CHST5: variants seen among roughly 807,000 people sequenced by gnomAD.
The protein encoded by CHST5 is GST4-alpha.
For missense variants in CHST5, 637 were observed against 602.1 expected, an observed-to-expected ratio of 1.06 and a Z score of -0.61; for synonymous variants, 313 against 279.2, an observed-to-expected ratio of 1.12 and a Z score of -1.21.
In CHST5 at chr16:75,530,178, G is replaced by T; in HGVS notation, c.207C>A (p.Ser69=). The T allele has an allele frequency of 1.2e-6, 2 of 1,613,686 alleles. No homozygotes were observed. Among genetic ancestry groups the T allele is most frequent in the Non-Finnish European group, 8.5e-7 (1 of 1,180,000 alleles). The change falls in exon 4 of 4, where the codon TCC becomes TCA. Residue 69 remains serine, a synonymous_variant. Coordinates refer to ENST00000336257, the MANE Select transcript of CHST5 (RefSeq NM_024533.5). The stretch of plus-strand genomic sequence containing the variant: ...AGAAGGATGAGCCCGAGCGCCACGA[G>T]GACAGCACCAGCACGTGCACACGAT... The part of the protein sequence containing the change: ...GEDRVHVLVL[S]SWRSGSSFLG...
intron 2 of CHST5, among the ~76,000 whole-genome samples, chr16:75,534,038 C>CAAAAAAAAAAAAAAAAAAAAAAAAA (rs35062691): frequency 1.2e-5 from 1 of 81,252 alleles, no homozygotes; most frequent in Non-Finnish European, 2.6e-5. Context: ...AACTCCATAT[C>CAAAAAAAAAAAAAAAAAAAAAAAAA]AAAAAAAAAA....
In CHST5 at chr16:75,529,511, G is replaced by A. The variant is rs759134086; in HGVS notation, c.874C>T (p.Leu292=). Residue 292 remains leucine, a synonymous_variant, in exon 4 of 4, where the codon CTG becomes TTG. Transcript: ENST00000336257. ...PPPFLRGRYR[L]VRFEDLAREP... ...CGCGCCAGGTCCTCGAAGCGCACCA[G>A]GCGGTAGCGGCCGCGCAGGAAGGGT... is the stretch of plus-strand genomic sequence containing the variant. 44 of 1,610,752 alleles carry A rather than the reference G, an allele frequency of 2.7e-5. No homozygotes were observed. In the South Asian group the frequency reaches 4.4e-4, roughly 16 times the overall value.
In CHST5 at chr16:75,531,463, G is replaced by A; in HGVS notation, c.-1079C>T. ...GCAGCATGGGCTCCAGAAGGAGGGT[G>A]TCCTGGAGCCCTGTGGGTTTGCAAG... On this transcript the variant is annotated 5_prime_UTR_variant, in exon 4 of 4. Coordinates refer to ENST00000336257, the MANE Select transcript of CHST5 (RefSeq NM_024533.5). The A allele has an allele frequency of 7.9e-7, 1 of 1,265,624 alleles. No individual in the cohort carries two copies. The highest frequency in any genetic ancestry group is 1.5e-5 in the African/African-American group (1 of 65,334). The allele number at this position is 1,265,624 out of a possible 1,614,324, so 78.4% of individuals were successfully genotyped here. A position where few individuals can be genotyped will look rare whatever the true frequency, so the allele number is the denominator to read the frequency against.
chr16:75,529,855 C>T lies in CHST5; in HGVS notation c.530G>A (p.Arg177Gln), dbSNP rs549820447. 5 of 1,613,576 alleles carry T rather than the reference C, an allele frequency of 3.1e-6. No individual in the cohort carries two copies. The highest frequency in any genetic ancestry group is 1.1e-5 in the South Asian group (1 of 91,086). The change falls in exon 4 of 4, where the codon CGG becomes CAG. Residue 177 changes from arginine (R) to glutamine (Q), a missense_variant. Arg to Gln is a conservative substitution (Grantham distance 43, BLOSUM62 1). Coordinates refer to ENST00000336257, the MANE Select transcript of CHST5 (RefSeq NM_024533.5). ...CTCCCGGGCCAGGCTGAATGGCTGC[C>T]GCGTGCACAGTGTCTTGCATACGTC... ...KQDVCKTLCT[R>Q]QPFSLAREAC...
chr16:75,528,984 G>C lies in CHST5; in HGVS notation c.*165C>G, dbSNP rs2080485396. 1.5e-6 allele frequency: 1 copy of C among 681,060 alleles called. No individual in the cohort carries two copies. The highest frequency in any genetic ancestry group is 3.4e-5 in the Admixed American group (1 of 29,296). The allele number at this position is 681,060 out of a possible 1,614,324, so 42.2% of individuals were successfully genotyped here. A position where few individuals can be genotyped will look rare whatever the true frequency, so the allele number is the denominator to read the frequency against. On this transcript the variant is annotated 3_prime_UTR_variant, in exon 4 of 4. Coordinates refer to ENST00000336257, the MANE Select transcript of CHST5 (RefSeq NM_024533.5). The stretch of plus-strand genomic sequence containing the variant: ...GACTCAAAGGAAAACCGAGAATCAG[G>C]AGAGAAAGAAACGTGCAGTCCTTGC...
At chr16:75,532,501 C>T (rs1285403945) in intron 3 of CHST5, among the ~76,000 whole-genome samples, 1 of 152,164 alleles carries the variant, frequency 6.6e-6, no homozygotes, top group Non-Finnish European at 1.5e-5. Context: ...CTGAGAGAAG[C>T]CAGGGTCTAA....
rs753815743 is a variant in CHST5, at chr16:75,529,008, G to T, written c.*141C>A. 17 of 840,858 alleles carry T rather than the reference G, an allele frequency of 2.0e-5. No homozygotes were observed. The highest frequency in any genetic ancestry group is 2.9e-5 in the Non-Finnish European group (16 of 559,286). The allele number at this position is 840,858 out of a possible 1,614,324, so 52.1% of individuals were successfully genotyped here. Reference sequence around the variant, plus strand: ...GGAGAGAAAGAAACGTGCAGTCCTTGCCTACTTCAGGGGAGGACCCCAAAC... The same window carrying T: ...GGAGAGAAAGAAACGTGCAGTCCTTTCCTACTTCAGGGGAGGACCCCAAAC... On this transcript the variant is annotated 3_prime_UTR_variant, in exon 4 of 4. Transcript: ENST00000336257.
In CHST5 at chr16:75,529,444, C is replaced by A. The variant is rs762334533; in HGVS notation, c.941G>T (p.Gly314Val). ...AEIRALYAFT[G>V]LTLTPQLEAW... ...CTCGAGCTGTGGCGTGAGGGTCAGG[C>A]CGGTGAAGGCGTAGAGTGCGCGGAT... Residue 314 changes from glycine to valine, a missense_variant, in exon 4 of 4, where the codon GGC becomes GTC. By Grantham distance (109) the Gly-to-Val change is moderately radical. Coordinates refer to ENST00000336257, the MANE Select transcript of CHST5 (RefSeq NM_024533.5). 6.2e-7 allele frequency: 1 copy of A among 1,612,718 alleles called. No homozygotes were observed. The highest frequency in any genetic ancestry group is 8.5e-7 in the Non-Finnish European group (1 of 1,179,886).
intron 3 of CHST5, 55 bp from the exon 4 acceptor site, chr16:75,531,695 C>T (rs2080523864): frequency 1.6e-6 from 2 of 1,229,242 alleles, no homozygotes; most frequent in South Asian, 1.3e-5. Context: ...CAGCCCTGTA[C>T]ATAGAAAGCT....
chr16:75,533,619 T>C (rs1253803095), intron 2 of CHST5, among the ~76,000 whole-genome samples: 3 of 152,122 alleles, frequency 2.0e-5, no homozygotes, highest in African/African-American at 7.2e-5. Flanking sequence ...AAAGTAGAGA[T>C]GAGGGCATCG....
intron 1 of CHST5, among the ~76,000 whole-genome samples, chr16:75,535,737 G>A (rs2080556758): frequency 6.6e-6 from 1 of 152,132 alleles, no homozygotes; most frequent in Non-Finnish European, 1.5e-5. Flanking sequence ...GGCGCTGGCC[G>A]AGGGCAGAGC....
In CHST5 at chr16:75,529,204, AG is replaced by A. The variant is rs1474860054; in HGVS notation, c.1180del (p.Leu394TrpfsTer24). On this transcript the variant is annotated frameshift_variant, in exon 4 of 4. Coordinates refer to ENST00000336257, the MANE Select transcript of CHST5 (RefSeq NM_024533.5). LOFTEE classifies it high-confidence loss of function. ...TGGGCCTCGTGGCAGCACCAGATCCAGGGTGAGGTCACGCTGCTGGTCCGCA... is the reference window on the plus strand; with the variant it reads ...TGGGCCTCGTGGCAGCACCAGATCCAGGTGAGGTCACGCTGCTGGTCCGCA... ...YSADQQRDLT[L>X]DLVLPRGPDH... 1.2e-6 allele frequency: 2 copies of A among 1,610,498 alleles called. No individual in the cohort carries two copies. The highest frequency in any genetic ancestry group is 2.2e-5 in the South Asian group (2 of 90,798).
Position 75,529,562 on chromosome 16 carries a change from C to T in CHST5, c.823G>A (p.Ala275Thr). ...REVCRSHVRI[A>T]EAATLKPPPF... ...GGCGGCTTGAGTGTGGCGGCCTCGGCGATGCGCACGTGGCTGCGGCACACC... is the reference window on the plus strand; with the variant it reads ...GGCGGCTTGAGTGTGGCGGCCTCGGTGATGCGCACGTGGCTGCGGCACACC... The change falls in exon 4 of 4, where the codon GCC (alanine) becomes ACC (threonine). Residue 275 changes from alanine to threonine, a missense_variant. By Grantham distance (58) the Ala-to-Thr change is moderately conservative. Transcript: ENST00000336257. The T allele has an allele frequency of 1.9e-6, 3 of 1,609,154 alleles. No individual in the cohort carries two copies. Among genetic ancestry groups the T allele is most frequent in the Non-Finnish European group, 1.7e-6 (2 of 1,178,896 alleles).
intron 2 of CHST5, 49 bp from the exon 3 acceptor site, chr16:75,533,232 C>T (rs1168549930): frequency 2.8e-6 from 2 of 702,344 alleles, no homozygotes; most frequent in Non-Finnish European, 5.2e-6. Context: ...GCCAAGGGTG[C>T]AAAGTTAGGG....
Position 75,529,150 on chromosome 16 carries a change from C to A in CHST5, c.1235G>T (p.Ter412LeuextTer90). ...PDHFSWASPD* is the reference protein window; with the variant it reads ...PDHFSWASPDL ...GGCCTGCTCTAAGGCCCAGAGTTCTCAGTCAGGCGATGCCCAGCTGAAGTG... is the reference window on the plus strand; with the variant it reads ...GGCCTGCTCTAAGGCCCAGAGTTCTAAGTCAGGCGATGCCCAGCTGAAGTG... Residue 412 changes from the stop codon to leucine, a stop_lost, in exon 4 of 4, where the codon TGA becomes TTA. Coordinates refer to ENST00000336257, the MANE Select transcript of CHST5 (RefSeq NM_024533.5). 1 of 1,569,090 alleles carries A rather than the reference C, an allele frequency of 6.4e-7. No homozygotes were observed. The highest frequency in any genetic ancestry group is 1.2e-5 in the South Asian group (1 of 84,152).
rs746105670 is a variant in CHST5 at position 75,530,167 on chromosome 16, G to C, written c.218C>G (p.Ser73Trp). ...VHVLVLSSWR[S>W]GSSFLGQLFS... Reference sequence around the variant, plus strand: ...GAGCTGGCCCAAGAAGGATGAGCCCGAGCGCCACGAGGACAGCACCAGCAC... The same window carrying C: ...GAGCTGGCCCAAGAAGGATGAGCCCCAGCGCCACGAGGACAGCACCAGCAC... Residue 73 changes from serine to tryptophan, a missense_variant, in exon 4 of 4, where the codon TCG becomes TGG. By Grantham distance (177) the Ser-to-Trp change is radical. Transcript: ENST00000336257. 3.1e-6 allele frequency: 5 copies of C among 1,613,564 alleles called. No individual in the cohort carries two copies. The highest frequency in any genetic ancestry group is 2.5e-6 in the Non-Finnish European group (3 of 1,179,960).
In CHST5 at chr16:75,530,227, G is replaced by T; in HGVS notation, c.158C>A (p.Pro53His). ...ATCCTCGCCGCCGGCTGGGGATGAGGGCCCTGGCCGGGAGATGATGAAGAG... is the reference window on the plus strand; with the variant it reads ...ATCCTCGCCGCCGGCTGGGGATGAGTGCCCTGGCCGGGAGATGATGAAGAG... ...LLLFIISRPGPSSPAGGEDRV... is the reference protein window; with the variant it reads ...LLLFIISRPGHSSPAGGEDRV... The change falls in exon 4 of 4, where the codon CCC becomes CAC. Residue 53 changes from proline to histidine, a missense_variant. Physicochemically the swap from Pro to His is moderately conservative, Grantham distance 77. Transcript: ENST00000336257. 2 of 1,613,676 alleles carry T rather than the reference G, an allele frequency of 1.2e-6. No individual in the cohort carries two copies. The highest frequency in any genetic ancestry group is 1.7e-6 in the Non-Finnish European group (2 of 1,179,980).
chr16:75,532,935 C>A (rs546429427), intron 3 of CHST5, among the ~76,000 whole-genome samples, 154 bp downstream of exon 3: 1 of 152,352 alleles, frequency 6.6e-6, no homozygotes, highest in South Asian at 2.1e-4. Flanking sequence ...AAGCTCCTGG[C>A]ACTTCTGATC....
Position 75,530,619 on chromosome 16 carries a change from C to T in CHST5, c.-235G>A, listed in dbSNP as rs986920857. On this transcript the variant is annotated 5_prime_UTR_variant, in exon 4 of 4. Coordinates refer to ENST00000336257, the MANE Select transcript of CHST5 (RefSeq NM_024533.5). ...ACCCACCCACCTACTTACATACCTA[C>T]AGGCTATCTATCTGTAGAGAGAAAT... is the stretch of plus-strand genomic sequence containing the variant. The T allele has an allele frequency of 2.8e-5, 39 of 1,406,170 alleles. No individual in the cohort carries two copies. The highest frequency in any genetic ancestry group is 3.6e-5 in the Non-Finnish European group (39 of 1,078,312). The allele number at this position is 1,406,170 out of a possible 1,614,324, so 87.1% of individuals were successfully genotyped here.
Sources: gnomAD v4.1 joint callset for allele counts (sites outside exome capture counted in the v4.1 genomes callset) on GRCh38, gnomAD v4.1.1 for gene constraint, MANE v1.5 for transcripts, NCBI Gene and HGNC (gene_info 2026-07-23, HGNC 2026-07-21) for gene names.